GPC6: variants seen among roughly 807,000 people sequenced by gnomAD.
GPC6 encodes the protein glypican-6.
Under a neutral mutation model 55.2 loss-of-function variants are expected in GPC6, and 14 were observed. The observed-to-expected ratio is 0.25, with a 90% CI of 0.17 to 0.40. GPC6 has a LOEUF of 0.40. Among genes scored for constraint, GPC6 ranks in the 10% least tolerant of loss-of-function variants. GPC6 has a pLI of 1.00. For synonymous variants in GPC6, 278 were observed against 259.6 expected, an observed-to-expected ratio of 1.07 and a Z score of -0.68; for missense variants, 641 against 708.5, an observed-to-expected ratio of 0.90 and a Z score of 1.08.
At chr13:93,606,259 G>A (rs1186146670) in intron 2 of GPC6, among the ~76,000 whole-genome samples, 2 of 152,142 alleles carry the variant, frequency 1.3e-5, no homozygotes, top group East Asian at 1.9e-4. Flanking sequence ...ATCACAACAT[G>A]TGCTGACTTT....
chr13:93,686,383 T>C (rs1401261744), intron 2 of GPC6, among the ~76,000 whole-genome samples: 1 of 152,210 alleles, frequency 6.6e-6, no homozygotes, highest in African/African-American at 2.4e-5. Flanking sequence ...ATCTCTCATC[T>C]TGACAATATC....
intron 1 of GPC6, among the ~76,000 whole-genome samples, chr13:93,284,470 T>C (rs1878047541): frequency 6.6e-6 from 1 of 152,236 alleles, no homozygotes; most frequent in South Asian, 2.1e-4. Context: ...TTCTTTAGTA[T>C]GTACACTGTA....
chr13:94,031,781 A>G (rs182796694), intron 4 of GPC6, among the ~76,000 whole-genome samples: 23 of 152,344 alleles, frequency 1.5e-4, no homozygotes, highest in Admixed American at 4.6e-4. Context: ...AGTGTTTGGC[A>G]TTGTTATCAA....
intron 6 of GPC6, among the ~76,000 whole-genome samples, chr13:94,353,574 C>CATATAT (rs145570959): frequency 4.9e-4 from 74 of 150,094 alleles, no homozygotes; most frequent in African/African-American, 1.4e-3. Context: ...GTGCGAGGAG[C>CATATAT]ATATATATAT....
intron 2 of GPC6, among the ~76,000 whole-genome samples, chr13:93,570,863 T>G (rs1284430210): frequency 2.6e-5 from 4 of 152,144 alleles, no homozygotes; most frequent in African/African-American, 9.7e-5. Context: ...TCTCTAATAC[T>G]GAGAGAAACA....
chr13:93,305,402 C>T (rs1339500085), intron 1 of GPC6, among the ~76,000 whole-genome samples: 1 of 152,218 alleles, frequency 6.6e-6, no homozygotes, highest in East Asian at 1.9e-4. Context: ...GGACCACAAG[C>T]AGTAAATAGG....
At chr13:94,122,164 G>A (rs534619624) in intron 4 of GPC6, among the ~76,000 whole-genome samples, 2 of 151,964 alleles carry the variant, frequency 1.3e-5, no homozygotes, top group African/African-American at 4.8e-5. Flanking sequence ...TTTGTAAGAG[G>A]TATAAAAATG....
chr13:94,110,992 T>C (rs1330900215), intron 4 of GPC6, among the ~76,000 whole-genome samples: 2 of 152,066 alleles, frequency 1.3e-5, no homozygotes, highest in Non-Finnish European at 2.9e-5. Context: ...TCTTTATGAG[T>C]TTTACTTCTC....
intron 3 of GPC6, among the ~76,000 whole-genome samples, chr13:93,961,254 A>G (rs982852636): frequency 6.6e-6 from 1 of 152,204 alleles, no homozygotes; most frequent in African/African-American, 2.4e-5. Context: ...CCTATAAATA[A>G]TCTCTTGAGT....
chr13:93,498,578 G>A (rs1005560684), intron 1 of GPC6, among the ~76,000 whole-genome samples: 1 of 152,056 alleles, frequency 6.6e-6, no homozygotes, highest in African/African-American at 2.4e-5. Context: ...GATCTGATGG[G>A]TTTATCAGGG....
At chr13:93,767,890 C>T (rs948678688) in intron 2 of GPC6, among the ~76,000 whole-genome samples, 3 of 152,208 alleles carry the variant, frequency 2.0e-5, no homozygotes, top group Middle Eastern at 3.4e-3. Flanking sequence ...CAAACGTTAA[C>T]TCATCTTCAA....
intron 3 of GPC6, among the ~76,000 whole-genome samples, chr13:93,938,407 C>G (rs1035831915): frequency 3.3e-5 from 5 of 152,192 alleles, no homozygotes; most frequent in African/African-American, 1.2e-4. Context: ...CTAGAGTGGG[C>G]TATTTCATAA....
At chr13:93,744,926 G>C (rs566747446) in intron 2 of GPC6, among the ~76,000 whole-genome samples, 1 of 147,150 alleles carries the variant, frequency 6.8e-6, no homozygotes, top group South Asian at 2.1e-4. Flanking sequence ...AACAGAGCAA[G>C]ACTCTGTCTC....
chr13:93,596,007 C>T (rs915341839), intron 2 of GPC6, among the ~76,000 whole-genome samples: 3 of 152,156 alleles, frequency 2.0e-5, no homozygotes, highest in Non-Finnish European at 4.4e-5. Flanking sequence ...GGTAGAAGAG[C>T]ACCATCTACC....
At chr13:93,667,748 T>TTTTTTTTTTTTTTTTTTC (rs1555322121) in intron 2 of GPC6, among the ~76,000 whole-genome samples, 1 of 151,220 alleles carries the variant, frequency 6.6e-6, no homozygotes, top group African/African-American at 2.4e-5. Context: ...TTTTTTTTTT[T>TTTTTTTTTTTTTTTTTTC]CTGTCAAATT....
At chr13:94,324,019 T>C (rs1876978421) in intron 6 of GPC6, among the ~76,000 whole-genome samples, 1 of 152,192 alleles carries the variant, frequency 6.6e-6, no homozygotes, top group African/African-American at 2.4e-5. Context: ...TAATGCTGGC[T>C]TCCGGCATTG....
At chr13:93,501,579 G>A (rs972025997) in intron 1 of GPC6, among the ~76,000 whole-genome samples, 1 of 152,134 alleles carries the variant, frequency 6.6e-6, no homozygotes, top group Non-Finnish European at 1.5e-5. Flanking sequence ...AAATGTGGGT[G>A]TTGAACCACA....
rs116106021 is a variant in GPC6, at chr13:93,946,436, C to T, written c.712-81293C>T. ...CATGAGCCACCGCTCTCGCCCCAAA[C>T]TTTATTTTTAATATGACTTACTTAA... On this transcript the variant is annotated intron_variant, in intron 3 of 8. Coordinates refer to ENST00000377047, the MANE Select transcript of GPC6 (RefSeq NM_005708.5). 6.9e-3 allele frequency among the ~76,000 whole-genome samples: 1,047 copies of T among 152,194 alleles called. 13 individuals carry two copies. The highest frequency in any genetic ancestry group is 0.024 in the African/African-American group (1,003 of 41,520).
intron 2 of GPC6, among the ~76,000 whole-genome samples, chr13:93,634,306 T>C (rs1879603112): frequency 6.6e-6 from 1 of 152,196 alleles, no homozygotes; most frequent in South Asian, 2.1e-4. Flanking sequence ...CCTTATGCAT[T>C]CGACCACCTC....
Sources: gnomAD v4.1 joint callset for allele counts (sites outside exome capture counted in the v4.1 genomes callset) on GRCh38, gnomAD v4.1.1 for gene constraint, MANE v1.5 for transcripts, NCBI Gene and HGNC (gene_info 2026-07-23, HGNC 2026-07-21) for gene names.